Variants in LRFN3 observed in about 807,000 individuals in gnomAD.
LRFN3 encodes leucine-rich repeat and fibronectin type-III domain-containing protein 3.
Under a neutral mutation model 23.8 loss-of-function variants are expected in LRFN3, and 8 were observed. That is an observed-to-expected ratio of 0.34 (90% CI 0.20 to 0.61). The LOEUF is 0.61. LRFN3 is among the 20% of genes least tolerant of loss of function. LRFN3 has a pLI of 0.80. For missense variants in LRFN3, 736 were observed against 935.3 expected (o/e 0.79, Z 2.78); for synonymous variants, 451 against 450.6 (o/e 1.00, Z -0.01).
intron 2 of LRFN3, among the ~76,000 whole-genome samples, chr19:35,943,920 C>CA (rs1568515152): frequency 1.3e-5 from 2 of 152,154 alleles, no homozygotes; most frequent in Non-Finnish European, 2.9e-5. Context: ...TGTGGTGGCT[C>CA]ACGCCTGTAA....
rs1976165138 is a variant in LRFN3 at position 35,945,113 on chromosome 19, A to G, written c.*94A>G. Reference sequence around the variant, plus strand: ...TGGCCTCAAACTCACCAAATCGCTCATGGTTTTTAAAACTCTGATGGGGAG... The same window carrying G: ...TGGCCTCAAACTCACCAAATCGCTCGTGGTTTTTAAAACTCTGATGGGGAG... On this transcript the variant is annotated 3_prime_UTR_variant, in exon 3 of 3. Coordinates refer to ENST00000246529, the MANE Select transcript of LRFN3 (RefSeq NM_024509.2). 3 of 716,246 alleles carry G rather than the reference A, an allele frequency of 4.2e-6. No homozygotes were observed. Among genetic ancestry groups the G allele is most frequent in the Non-Finnish European group, 4.1e-6 (2 of 485,598 alleles). 44.4% of individuals were successfully genotyped at this position (716,246 alleles called of 1,614,324 possible). A position where few individuals can be genotyped will look rare whatever the true frequency, so the allele number is the denominator to read the frequency against.
Position 35,940,466 on chromosome 19 carries a change from C to T in LRFN3, c.1041C>T (p.Pro347=). 1 of 1,609,668 alleles carries T rather than the reference C, an allele frequency of 6.2e-7. No homozygotes were observed. Among genetic ancestry groups the T allele is most frequent in the South Asian group, 1.1e-5 (1 of 90,800 alleles). Reference sequence around the variant, plus strand: ...ACTCAAGCCGTGCCCGCGCCTTCCCCAATGGGACGCTGGAGCTGCTGGTCA... The same window carrying T: ...ACTCAAGCCGTGCCCGCGCCTTCCCTAATGGGACGCTGGAGCTGCTGGTCA... ...LGNSSRARAF[P]NGTLELLVTE... The change falls in exon 2 of 3, where the codon CCC becomes CCT. Residue 347 remains proline (P), a synonymous_variant. Coordinates refer to ENST00000246529, the MANE Select transcript of LRFN3 (RefSeq NM_024509.2).
At position 35,940,724 on chromosome 19, in the gene LRFN3, G is replaced by A. The variant is rs1466452285; in HGVS notation, c.1299G>A (p.Val433=). The part of the protein sequence containing the change: ...TGPPTDRGVQ[V]TEHGATAALV... ...CCCCTACCGACCGTGGCGTCCAGGT[G>A]ACTGAGCACGGGGCCACAGCTGCTC... The change falls in exon 2 of 3, where the codon GTG becomes GTA. Residue 433 remains valine, a synonymous_variant. Coordinates refer to ENST00000246529, the MANE Select transcript of LRFN3 (RefSeq NM_024509.2). The A allele has an allele frequency of 6.2e-7, 1 of 1,613,426 alleles. No individual in the cohort carries two copies. Among genetic ancestry groups the A allele is most frequent in the Non-Finnish European group, 8.5e-7 (1 of 1,179,986 alleles).
chr19:35,939,554 G>C lies in LRFN3; in HGVS notation c.129G>C (p.Val43=), dbSNP rs376224731. 16 of 1,608,372 alleles carry C rather than the reference G, an allele frequency of 9.9e-6. No homozygotes were observed. The highest frequency in any genetic ancestry group is 1.6e-4 in the Middle Eastern group (1 of 6,082). ...AGACACAGTCGCTGCCCCTAAGCGT[G>C]CTGTGCCCAGGGGCAGGCCTCCTGT... is the stretch of plus-strand genomic sequence containing the variant. ...RCQTQSLPLS[V]LCPGAGLLFV... Residue 43 remains valine (V), a synonymous_variant, in exon 2 of 3, where the codon GTG becomes GTC. Transcript: ENST00000246529. The surrounding 1 kb of genome is among the most constrained non-coding windows in gnomAD (Gnocchi z 6.4).
Position 35,936,784 on chromosome 19 carries a change from A to G in LRFN3, c.-788A>G, listed in dbSNP as rs1272749827. The G allele has an allele frequency of 6.6e-6, 1 of 152,232 alleles. No homozygotes were observed. Among genetic ancestry groups the G allele is most frequent in the Non-Finnish European group, 1.5e-5 (1 of 68,082 alleles). The allele number at this position is 152,232 out of a possible 1,614,324, so 9.4% of individuals were successfully genotyped here. On this transcript the variant is annotated 5_prime_UTR_variant, in exon 1 of 3. Transcript: ENST00000246529. ...GGGAATTCCGGAAACCCGAGCCTGG[A>G]ACCCTGATCTGGGACCAGCACCCCG...
chr19:35,939,850 A>G lies in LRFN3; in HGVS notation c.425A>G (p.Gln142Arg). 6.2e-7 allele frequency: 1 copy of G among 1,601,852 alleles called. No homozygotes were observed. The highest frequency in any genetic ancestry group is 8.5e-7 in the Non-Finnish European group (1 of 1,179,782). The change falls in exon 2 of 3, where the codon CAG (glutamine) becomes CGG (arginine). Residue 142 changes from glutamine (Q) to arginine (R), a missense_variant. By Grantham distance (43) the Gln-to-Arg change is conservative. Coordinates refer to ENST00000246529, the MANE Select transcript of LRFN3 (RefSeq NM_024509.2). The surrounding 1 kb of genome is among the most constrained non-coding windows in gnomAD (Gnocchi z 6.4). ...CGCCACCTCATCCTCAGCAACAACC[A>G]GCTGGCAGCGCTGGCGGCCGGCGCC... ...NLRHLILSNN[Q>R]LAALAAGALD... is the part of the protein sequence containing the mutation.
Position 35,939,406 on chromosome 19 carries a change from G to A in LRFN3, c.-16-4G>A, listed in dbSNP as rs376328047. ...TGCCCTCACGCCTCCCCTCTTCTCC[G>A]CAGGACACCCCTGCCCGCGATGGCC... On this transcript the variant is annotated splice_region_variant and splice_polypyrimidine_tract_variant and intron_variant, in intron 1 of 2. Coordinates refer to ENST00000246529, the MANE Select transcript of LRFN3 (RefSeq NM_024509.2). This position sits in a 1 kb window ranked among gnomAD's most constrained non-coding sequence, Gnocchi z 6.4. The A allele has an allele frequency of 1.1e-4, 171 of 1,555,720 alleles. No individual in the cohort carries two copies. Among genetic ancestry groups the A allele is most frequent in the Non-Finnish European group, 1.3e-4 (154 of 1,152,850 alleles).
chr19:35,944,720 C>A lies in LRFN3; in HGVS notation c.1588C>A (p.Pro530Thr). 6.2e-7 allele frequency: 1 copy of A among 1,605,328 alleles called. No individual in the cohort carries two copies. The highest frequency in any genetic ancestry group is 8.5e-7 in the Non-Finnish European group (1 of 1,176,562). The change falls in exon 3 of 3, where the codon CCG (proline) becomes ACG (threonine). Residue 530 changes from proline to threonine, a missense_variant. Physicochemically the swap from Pro to Thr is conservative, Grantham distance 38. This residue lies in a region of LRFN3 where 290 missense variants were observed against 287.4 expected (regional missense o/e 1.01). Coordinates refer to ENST00000246529, the MANE Select transcript of LRFN3 (RefSeq NM_024509.2). This position sits in a 1 kb window ranked among gnomAD's most constrained non-coding sequence, Gnocchi z 4.5. ...ACCTGCGCTGCGGCCATGCGGGGCG[C>A]CGCACGCTCCCTTCCTGGGCGGCAC... ...TEPALRPCGA[P>T]HAPFLGGTMI...
rs772123694 is a variant in LRFN3, at chr19:35,944,535, G to C, written c.1416-13G>C. On this transcript the variant is annotated splice_polypyrimidine_tract_variant and intron_variant, in intron 2 of 2. Transcript: ENST00000246529. This position sits in a 1 kb window ranked among gnomAD's most constrained non-coding sequence, Gnocchi z 4.5. ...GCAGCCTGAGACCTGACCCCCACCT[G>C]CCTGCCCTGCAGGATGATCCCGGCG... 2.1e-6 allele frequency: 3 copies of C among 1,426,974 alleles called. No homozygotes were observed. The highest frequency in any genetic ancestry group is 1.5e-5 in the African/African-American group (1 of 67,834). The allele number at this position is 1,426,974 out of a possible 1,614,324, so 88.4% of individuals were successfully genotyped here.
At position 35,940,327 on chromosome 19, in the gene LRFN3, G is replaced by A. The variant is rs533031534; in HGVS notation, c.902G>A (p.Arg301His). The A allele has an allele frequency of 5.7e-6, 9 of 1,583,594 alleles. No individual in the cohort carries two copies. Among genetic ancestry groups the A allele is most frequent in the South Asian group, 5.7e-5 (5 of 88,024 alleles). ...FVCEPPVVTHRSPPLAVPAGR... is the reference protein window; with the variant it reads ...FVCEPPVVTHHSPPLAVPAGR... ...TGCGAGCCGCCCGTGGTGACTCACC[G>A]CTCACCACCTCTGGCTGTGCCCGCA... Residue 301 changes from arginine to histidine, a missense_variant, in exon 2 of 3, where the codon CGC (arginine) becomes CAC (histidine). Transcript: ENST00000246529.
intron 2 of LRFN3, among the ~76,000 whole-genome samples, chr19:35,942,129 G>A (rs193301740): frequency 1.3e-5 from 2 of 152,210 alleles, no homozygotes; most frequent in South Asian, 4.1e-4. Context: ...TGATCCACCC[G>A]CCTCGGCCTC....
chr19:35,942,810 A>G (rs1370601884), intron 2 of LRFN3, among the ~76,000 whole-genome samples: 1 of 152,112 alleles, frequency 6.6e-6, no homozygotes, highest in Non-Finnish European at 1.5e-5. Flanking sequence ...CAGGTGGATC[A>G]CCAGGTCAGG....
intron 2 of LRFN3, among the ~76,000 whole-genome samples, chr19:35,943,257 A>G (rs1156830493): frequency 6.6e-6 from 1 of 152,190 alleles, no homozygotes; most frequent in Non-Finnish European, 1.5e-5. Flanking sequence ...AAAGGAAACA[A>G]GAAAGAAAAA....
Position 35,945,087 on chromosome 19 carries a change from C to G in LRFN3, c.*68C>G. 1.0e-6 allele frequency: 1 copy of G among 995,054 alleles called. No individual in the cohort carries two copies. Among genetic ancestry groups the G allele is most frequent in the South Asian group, 2.1e-5 (1 of 47,556 alleles). The allele number at this position is 995,054 out of a possible 1,614,324, so 61.6% of individuals were successfully genotyped here. ...GCAGGACCCGGACACCCTGTGGGAC[C>G]TGGCCTCAAACTCACCAAATCGCTC... On this transcript the variant is annotated 3_prime_UTR_variant, in exon 3 of 3. Coordinates refer to ENST00000246529, the MANE Select transcript of LRFN3 (RefSeq NM_024509.2).
rs1479977335 is a variant in LRFN3, at chr19:35,940,301, C to T, written c.876C>T (p.Val292=). ...YFWAVGEEEF[V]CEPPVVTHRS... ...GGGCGGTGGGCGAGGAGGAGTTTGT[C>T]TGCGAGCCGCCCGTGGTGACTCACC... is the stretch of plus-strand genomic sequence containing the variant. The change falls in exon 2 of 3, where the codon GTC becomes GTT. Residue 292 remains valine, a synonymous_variant. Coordinates refer to ENST00000246529, the MANE Select transcript of LRFN3 (RefSeq NM_024509.2). 6.3e-7 allele frequency: 1 copy of T among 1,593,756 alleles called. No homozygotes were observed. Among genetic ancestry groups the T allele is most frequent in the Non-Finnish European group, 8.5e-7 (1 of 1,173,804 alleles).
chr19:35,944,080 C>T lies in LRFN3; in HGVS notation c.1416-468C>T, dbSNP rs1489235849. Among the ~76,000 whole-genome samples the T allele has an allele frequency of 6.6e-6, 1 of 152,198 alleles. No individual in the cohort carries two copies. Among genetic ancestry groups the T allele is most frequent in the Non-Finnish European group, 1.5e-5 (1 of 68,042 alleles). ...TAGTGCACACCTGTAGTTCCTGCTACTCAGGAGGCTGAGGCCGGAGGATGG... is the reference window on the plus strand; with the variant it reads ...TAGTGCACACCTGTAGTTCCTGCTATTCAGGAGGCTGAGGCCGGAGGATGG... On this transcript the variant is annotated intron_variant, in intron 2 of 2. Coordinates refer to ENST00000246529, the MANE Select transcript of LRFN3 (RefSeq NM_024509.2). This position sits in a 1 kb window ranked among gnomAD's most constrained non-coding sequence, Gnocchi z 4.5.
intron 2 of LRFN3, among the ~76,000 whole-genome samples, chr19:35,943,409 T>C (rs1309489367): frequency 2.0e-5 from 3 of 152,090 alleles, no homozygotes; most frequent in Admixed American, 1.3e-4. Flanking sequence ...ACAGGACTCA[T>C]TGGAAAACAG....
chr19:35,937,040 T>G lies in LRFN3; in HGVS notation c.-532T>G, dbSNP rs1424286483. On this transcript the variant is annotated 5_prime_UTR_variant, in exon 1 of 3. Transcript: ENST00000246529. ...TTGAAATCTGGGACTGGATTTCCAG[T>G]ACTGTACCCTGGAACCCACTCTTGG... 6.6e-6 allele frequency: 1 copy of G among 152,138 alleles called. No homozygotes were observed. Among genetic ancestry groups the G allele is most frequent in the Non-Finnish European group, 1.5e-5 (1 of 68,046 alleles). 9.4% of individuals were successfully genotyped at this position (152,138 alleles called of 1,614,324 possible).
At position 35,945,838 on chromosome 19, in the gene LRFN3, T is replaced by G. The variant is rs1976172951; in HGVS notation, c.*819T>G. The G allele has an allele frequency of 6.6e-6, 1 of 152,018 alleles. No individual in the cohort carries two copies. The highest frequency in any genetic ancestry group is 2.4e-5 in the African/African-American group (1 of 41,240). 9.4% of individuals were successfully genotyped at this position (152,018 alleles called of 1,614,324 possible). ...TATGCAAGGGAGGAATGGGGTCAGTTTGGGGCTTCAGGAAGATCCTTCTAG... is the reference window on the plus strand; with the variant it reads ...TATGCAAGGGAGGAATGGGGTCAGTGTGGGGCTTCAGGAAGATCCTTCTAG... On this transcript the variant is annotated 3_prime_UTR_variant, in exon 3 of 3. Transcript: ENST00000246529.
Sources: allele counts gnomAD v4.1 joint callset (sites outside exome capture counted in the v4.1 genomes callset), GRCh38; gene constraint gnomAD v4.1.1; regional missense constraint gnomAD v4.1.1; non-coding constraint Gnocchi (gnomAD v3.1); transcripts MANE v1.5; gene names NCBI Gene and HGNC (gene_info 2026-07-23, HGNC 2026-07-21).